Variants in ADGRL3 observed in about 807,000 individuals in gnomAD.
The protein encoded by ADGRL3 is adhesion G protein-coupled receptor L3.
A neutral mutation model predicts 153.5 loss-of-function variants in ADGRL3; 62 were observed. That is an observed-to-expected ratio of 0.40 (90% CI 0.33 to 0.50). The LOEUF is 0.50. ADGRL3 is among the 20% of genes least tolerant of loss of function. The probability of loss-of-function intolerance (pLI) is 0.47; values close to 1 mark genes in which losing one functional copy is unlikely to be tolerated. For synonymous variants in ADGRL3, 710 were observed against 672.5 expected, an observed-to-expected ratio of 1.06 and a Z score of -0.86; for missense variants, 1,641 against 1,859.4, an observed-to-expected ratio of 0.88 and a Z score of 2.16.
intron 22 of ADGRL3, among the ~76,000 whole-genome samples, chr4:62,030,199 G>A (rs1721207852): frequency 6.6e-6 from 1 of 151,616 alleles, no homozygotes; most frequent in African/African-American, 2.4e-5. Context: ...TTCTTAAGAT[G>A]CAGTTCTCTC....
Position 62,073,388 on chromosome 4 carries a change from T to C in ADGRL3, c.*2480T>C, listed in dbSNP as rs1746246542. 1 of 152,102 alleles carries C rather than the reference T, an allele frequency of 6.6e-6. No individual in the cohort carries two copies. Among genetic ancestry groups the C allele is most frequent in the Admixed American group, 6.6e-5 (1 of 15,256 alleles). 9.4% of individuals were successfully genotyped at this position (152,102 alleles called of 1,614,324 possible). ...AATTAGGTTTTCTCACACCACACTA[T>C]GGCAATATTAGCACGTCCAAGGCTT... On this transcript the variant is annotated 3_prime_UTR_variant, in exon 27 of 27. Transcript: ENST00000683033.
At chr4:61,804,951 T>A (rs1294138490) in intron 8 of ADGRL3, among the ~76,000 whole-genome samples, 7 of 146,754 alleles carry the variant, frequency 4.8e-5, no homozygotes, top group Non-Finnish European at 7.5e-5. Context: ...ATTTATTTAT[T>A]TTTATTTATT....
At chr4:61,601,375 A>T (rs767359948) in intron 5 of ADGRL3, among the ~76,000 whole-genome samples, 3 of 152,184 alleles carry the variant, frequency 2.0e-5, no homozygotes, top group Non-Finnish European at 4.4e-5. Context: ...AATTTTAGTA[A>T]CTATAAAAAC....
intron 21 of ADGRL3, among the ~76,000 whole-genome samples, chr4:62,014,666 A>G (rs2099203062): frequency 2.0e-5 from 3 of 152,178 alleles, no homozygotes. Context: ...TCCAGAAAAT[A>G]CTGTTATACA....
chr4:61,694,574 AC>A lies in ADGRL3; in HGVS notation c.583+17641del, dbSNP rs1482416629. On this transcript the variant is annotated intron_variant, in intron 6 of 26. Transcript: ENST00000683033. ...TCATCTGAGCCTTCAGCTACTCCTAACCTTTTTGCTGGTGGAGGATCTTGCC... is the reference window on the plus strand; with the variant it reads ...TCATCTGAGCCTTCAGCTACTCCTAACTTTTTGCTGGTGGAGGATCTTGCC... Among the ~76,000 whole-genome samples, 5 of 152,120 alleles carry A rather than the reference AC, an allele frequency of 3.3e-5. 1 individual carries two copies. The highest frequency in any genetic ancestry group is 9.6e-5 in the African/African-American group (4 of 41,522).
At chr4:61,353,095 A>T (rs1440203982) in intron 1 of ADGRL3, among the ~76,000 whole-genome samples, 1 of 152,154 alleles carries the variant, frequency 6.6e-6, no homozygotes, top group Non-Finnish European at 1.5e-5. Flanking sequence ...TCCCAGAAGG[A>T]GGAGTTTGCT....
At chr4:61,645,142 A>C (rs2093908555) in intron 5 of ADGRL3, among the ~76,000 whole-genome samples, 3 of 151,468 alleles carry the variant, frequency 2.0e-5, no homozygotes, top group African/African-American at 7.3e-5. Context: ...TTTTTGGTAG[A>C]TCTTCCTCCA....
intron 25 of ADGRL3, among the ~76,000 whole-genome samples, chr4:62,059,385 T>TTA (rs1188808700): frequency 6.6e-6 from 1 of 152,148 alleles, no homozygotes; most frequent in Non-Finnish European, 1.5e-5. Context: ...CTCATTTGAA[T>TTA]TATAACCCTC....
intron 8 of ADGRL3, among the ~76,000 whole-genome samples, chr4:61,778,295 C>T (rs1272115066): frequency 1.3e-5 from 2 of 152,164 alleles, no homozygotes; most frequent in Admixed American, 1.3e-4. Flanking sequence ...TGCTTCTGGT[C>T]CCACACATTT....
At chr4:61,668,671 T>C (rs2094886625) in intron 5 of ADGRL3, among the ~76,000 whole-genome samples, 1 of 152,204 alleles carries the variant, frequency 6.6e-6, no homozygotes, top group Non-Finnish European at 1.5e-5. Flanking sequence ...TAATGTCCTC[T>C]GAAATATCCT....
intron 9 of ADGRL3, among the ~76,000 whole-genome samples, chr4:61,856,966 TTC>T (rs1417884014): frequency 5.8e-5 from 6 of 103,202 alleles, no homozygotes; most frequent in Non-Finnish European, 1.3e-4. Flanking sequence ...CTTTCTTTCT[TTC>T]TTTCTTTCTT....
intron 8 of ADGRL3, among the ~76,000 whole-genome samples, chr4:61,787,890 A>G (rs1037833346): frequency 6.6e-6 from 1 of 151,182 alleles, no homozygotes; most frequent in Admixed American, 6.6e-5. Context: ...AAAACAGAGC[A>G]CATAAATTAA....
intron 9 of ADGRL3, among the ~76,000 whole-genome samples, chr4:61,837,478 G>A (rs1319842090): frequency 6.6e-6 from 1 of 152,062 alleles, no homozygotes; most frequent in East Asian, 1.9e-4. Flanking sequence ...AGGAGAACGG[G>A]AAGATGTTAG....
At chr4:61,395,402 G>A (rs906142813) in intron 2 of ADGRL3, among the ~76,000 whole-genome samples, 1 of 151,938 alleles carries the variant, frequency 6.6e-6, no homozygotes, top group Non-Finnish European at 1.5e-5. Context: ...AATGCTAATT[G>A]ATAAACAAAG....
intron 4 of ADGRL3, among the ~76,000 whole-genome samples, chr4:61,573,825 A>G (rs1259587159): frequency 6.6e-6 from 1 of 152,014 alleles, no homozygotes; most frequent in Admixed American, 6.6e-5. Context: ...TAACAATCAG[A>G]GAAAGCATAG....
chr4:62,064,633 A>G (rs1225058381), intron 25 of ADGRL3, among the ~76,000 whole-genome samples: 1 of 151,852 alleles, frequency 6.6e-6, no homozygotes, highest in African/African-American at 2.4e-5. Flanking sequence ...GCAATTTTTA[A>G]TAAAATTTCT....
intron 23 of ADGRL3, among the ~76,000 whole-genome samples, chr4:62,033,826 A>T (rs1723516117): frequency 6.6e-6 from 1 of 151,752 alleles, no homozygotes; most frequent in African/African-American, 2.4e-5. Context: ...TTACTAACTC[A>T]TTAAGAAGTA....
chr4:61,502,908 G>A (rs755704287), intron 3 of ADGRL3, among the ~76,000 whole-genome samples: 2 of 152,026 alleles, frequency 1.3e-5, no homozygotes, highest in Non-Finnish European at 2.9e-5. Flanking sequence ...TGTTTATAAC[G>A]CTTGCCAACC....
Position 62,077,549 on chromosome 4 carries a change from T to G in ADGRL3, c.*6641T>G, listed in dbSNP as rs913901439. The G allele has an allele frequency of 6.6e-6, 1 of 152,032 alleles. No individual in the cohort carries two copies. Among genetic ancestry groups the G allele is most frequent in the Admixed American group, 6.6e-5 (1 of 15,256 alleles). 9.4% of individuals were successfully genotyped at this position (152,032 alleles called of 1,614,324 possible). ...GATGTTTGACAAAGTTAAGTCAGTA[T>G]CTTCAATGCTTTAACAGTAGGTAGA... On this transcript the variant is annotated 3_prime_UTR_variant, in exon 27 of 27. Transcript: ENST00000683033.
Sources: allele counts gnomAD v4.1 joint callset (sites outside exome capture counted in the v4.1 genomes callset), GRCh38; gene constraint gnomAD v4.1.1; transcripts MANE v1.5; gene names NCBI Gene and HGNC (gene_info 2026-07-23, HGNC 2026-07-21).